MCMDC2: variants seen among roughly 807,000 people sequenced by gnomAD.
The protein encoded by MCMDC2 is minichromosome maintenance domain-containing protein 2.
MCMDC2 carries 54 observed loss-of-function variants against 75.8 expected under a neutral mutation model. The ratio of observed to expected loss-of-function variants is 0.71; its 90% confidence interval spans 0.57 to 0.89. The LOEUF is 0.89. Among genes scored for constraint, MCMDC2 ranks in the 40% least tolerant of loss-of-function variants. The probability of loss-of-function intolerance (pLI) is 0.00; values close to 1 mark genes in which losing one functional copy is unlikely to be tolerated. For synonymous variants in MCMDC2, 249 were observed against 274.6 expected, an observed-to-expected ratio of 0.91 and a Z score of 0.92; for missense variants, 656 against 780.4, an observed-to-expected ratio of 0.84 and a Z score of 1.90.
downstream of MCMDC2, among the ~76,000 whole-genome samples, chr8:66,925,130 C>T (rs1043561971): frequency 4.6e-5 from 7 of 151,952 alleles, no homozygotes; most frequent in Non-Finnish European, 8.8e-5. Context: ...TCCCGACGGT[C>T]CCTTGCAGGC....
Position 66,901,193 on chromosome 8 carries a change from TCA to T in MCMDC2, c.1627-9_1627-8del, listed in dbSNP as rs1563383809. ...ATAAAGCTTGATTATCTTGGATTTTTCACACTTTTTAGCTATTGGCTTTTGCA... is the reference window on the plus strand; with the variant it reads ...ATAAAGCTTGATTATCTTGGATTTTTCACTTTTTAGCTATTGGCTTTTGCA... On this transcript the variant is annotated splice_polypyrimidine_tract_variant and intron_variant, in intron 12 of 14. Coordinates refer to ENST00000422365, the MANE Select transcript of MCMDC2 (RefSeq NM_173518.5). 1 of 1,602,298 alleles carries T rather than the reference TCA, an allele frequency of 6.2e-7. No homozygotes were observed. The highest frequency in any genetic ancestry group is 8.5e-7 in the Non-Finnish European group (1 of 1,171,296).
chr8:66,921,780 CAG>C lies in MCMDC2; in HGVS notation c.*2612_*2613del, dbSNP rs1313892854. On this transcript the variant is annotated 3_prime_UTR_variant, in exon 15 of 15. Coordinates refer to ENST00000422365, the MANE Select transcript of MCMDC2 (RefSeq NM_173518.5). Reference sequence around the variant, plus strand: ...AGCAGGCTCTGAAGGGGAAGCCAGACAGGGAACCTAGAGGTACAAGCAATGTC... The same window carrying C: ...AGCAGGCTCTGAAGGGGAAGCCAGACGGAACCTAGAGGTACAAGCAATGTC... 1.3e-5 allele frequency: 2 copies of C among 152,346 alleles called. No homozygotes were observed. The highest frequency in any genetic ancestry group is 3.9e-4 in the East Asian group (2 of 5,194). The allele number at this position is 152,346 out of a possible 1,614,324, so 9.4% of individuals were successfully genotyped here. A position where few individuals can be genotyped will look rare whatever the true frequency, so the allele number is the denominator to read the frequency against.
intron 14 of MCMDC2, among the ~76,000 whole-genome samples, chr8:66,914,343 G>A (rs1231888141): frequency 2.0e-5 from 3 of 149,956 alleles, no homozygotes; most frequent in Admixed American, 6.7e-5. Flanking sequence ...AATTGAGATC[G>A]ATGCTATGAA....
At chr8:66,877,691 C>A (rs1179312791) in intron 5 of MCMDC2, 147 bp downstream of exon 5, 2 of 550,366 alleles carry the variant, frequency 3.6e-6, no homozygotes, top group Non-Finnish European at 3.1e-6. Context: ...ATGGAGAAAC[C>A]TCGTCTCTAC....
At chr8:66,906,626 A>T (rs928437276) in intron 14 of MCMDC2, among the ~76,000 whole-genome samples, 5 of 152,122 alleles carry the variant, frequency 3.3e-5, no homozygotes, top group African/African-American at 9.7e-5. Flanking sequence ...GTTAAATATC[A>T]TCCTGAATTA....
At chr8:66,918,706 C>T (rs933405654) in intron 14 of MCMDC2, among the ~76,000 whole-genome samples, 1 of 152,144 alleles carries the variant, frequency 6.6e-6, no homozygotes, top group Non-Finnish European at 1.5e-5. Flanking sequence ...TAGTTCCAAA[C>T]TTTAAAATAT....
chr8:66,877,863 TAA>T (rs746087269), intron 5 of MCMDC2, among the ~76,000 whole-genome samples: 17 of 87,416 alleles, frequency 1.9e-4, no homozygotes, highest in Admixed American at 4.1e-4. Flanking sequence ...TGACCCTGTC[TAA>T]AAAAAAAAAA....
chr8:66,874,314 A>G lies in MCMDC2; in HGVS notation c.95-12A>G, dbSNP rs1165774441. 5 of 1,607,022 alleles carry G rather than the reference A, an allele frequency of 3.1e-6. No individual in the cohort carries two copies. The highest frequency in any genetic ancestry group is 3.4e-5 in the Admixed American group (2 of 58,380). The stretch of plus-strand genomic sequence containing the variant: ...TAGCTATCCTGACTTTTACATTTGT[A>G]TATTTTCATAGATTCAAAACAAAGC... On this transcript the variant is annotated splice_polypyrimidine_tract_variant and intron_variant, in intron 2 of 14. Coordinates refer to ENST00000422365, the MANE Select transcript of MCMDC2 (RefSeq NM_173518.5).
intron 14 of MCMDC2, among the ~76,000 whole-genome samples, chr8:66,915,703 T>A (rs984701313): frequency 1.3e-5 from 2 of 151,808 alleles, no homozygotes; most frequent in African/African-American, 2.4e-5. Flanking sequence ...CCTAGGAATA[T>A]AATTTAGGGA....
rs1811350980 is a variant in MCMDC2, at chr8:66,877,549, A to G, written c.481+5A>G. ...AAGCATGCCCTCTTTCAAAAGGTAA[A>G]TGTTAAATAGGAAAATCAAAGCATT... On this transcript the variant is annotated splice_donor_5th_base_variant and intron_variant, in intron 5 of 14. Coordinates refer to ENST00000422365, the MANE Select transcript of MCMDC2 (RefSeq NM_173518.5). 6.3e-7 allele frequency: 1 copy of G among 1,589,332 alleles called. No homozygotes were observed. The highest frequency in any genetic ancestry group is 8.5e-7 in the Non-Finnish European group (1 of 1,170,412).
At position 66,872,020 on chromosome 8, in the gene MCMDC2, C is replaced by T. The variant is rs577449657; in HGVS notation, c.-89+1189C>T. 7.2e-5 allele frequency among the ~76,000 whole-genome samples: 11 copies of T among 152,216 alleles called. No individual in the cohort carries two copies. In the East Asian group the frequency reaches 2.1e-3, roughly 29 times the overall value. On this transcript the variant is annotated intron_variant, in intron 1 of 14. Coordinates refer to ENST00000422365, the MANE Select transcript of MCMDC2 (RefSeq NM_173518.5). ...TGGCCTCACCCAACCATTTAATTACCAATAGTCGCCCTTCATTCCACCCCA... is the reference window on the plus strand; with the variant it reads ...TGGCCTCACCCAACCATTTAATTACTAATAGTCGCCCTTCATTCCACCCCA...
In MCMDC2 at chr8:66,907,703, G is replaced by A. The variant is rs547976817; in HGVS notation, c.1879+2368G>A. On this transcript the variant is annotated intron_variant, in intron 14 of 14. Transcript: ENST00000422365. ...ACAGTCCCACCGACGGTGTAAAAGC[G>A]TTCCTGTTTCTCCACGGCCTCACCA... 1.9e-4 allele frequency among the ~76,000 whole-genome samples: 29 copies of A among 152,286 alleles called. No homozygotes were observed. The South Asian group carries it at 4.4e-3, about 23-fold the overall frequency.
downstream of MCMDC2, among the ~76,000 whole-genome samples, chr8:66,924,633 CA>C (rs201097719): frequency 0.02 from 1,610 of 81,068 alleles, 18 homozygotes; most frequent in African/African-American, 0.05. Flanking sequence ...GACTCTGGCT[CA>C]AAAAAAAAAA....
intron 7 of MCMDC2, 41 bp downstream of exon 7, chr8:66,878,960 A>C (rs774719226): frequency 2.0e-5 from 25 of 1,263,098 alleles, no homozygotes; most frequent in Non-Finnish European, 2.8e-5. Flanking sequence ...ATTGCTATAA[A>C]TATGTAATTG....
intron 13 of MCMDC2, among the ~76,000 whole-genome samples, chr8:66,902,711 A>AAAAAAAAAATATATATATAT (rs1467425752): frequency 4.4e-5 from 3 of 67,930 alleles, no homozygotes; most frequent in African/African-American, 2.2e-4. Flanking sequence ...AAAAAAAAAA[A>AAAAAAAAAATATATATATAT]ATATATATAT....
chr8:66,891,770 TGTGA>T (rs767141481), intron 10 of MCMDC2, among the ~76,000 whole-genome samples: 2 of 152,182 alleles, frequency 1.3e-5, no homozygotes, highest in Admixed American at 6.5e-5. Context: ...GCGAGGGGTG[TGTGA>T]GTGAGTAAGC....
chr8:66,899,103 A>T (rs1812500590), intron 12 of MCMDC2, among the ~76,000 whole-genome samples: 1 of 152,254 alleles, frequency 6.6e-6, no homozygotes, highest in Non-Finnish European at 1.5e-5. Flanking sequence ...ATCAAAGTGG[A>T]TGGAATTTGT....
Position 66,905,658 on chromosome 8 carries a change from AC to A in MCMDC2, c.1879+324del, listed in dbSNP as rs1375214923. Among the ~76,000 whole-genome samples the A allele has an allele frequency of 2.0e-5, 3 of 152,290 alleles. No individual in the cohort carries two copies. The East Asian group carries it at 5.8e-4, about 29-fold the overall frequency. The stretch of plus-strand genomic sequence containing the variant: ...TATCTTCCTTTTAAAATAACTTGCA[AC>A]ATTTAGGTATCAAACAATCCCCCAC... On this transcript the variant is annotated intron_variant, in intron 14 of 14. Coordinates refer to ENST00000422365, the MANE Select transcript of MCMDC2 (RefSeq NM_173518.5).
chr8:66,874,242 C>G lies in MCMDC2; in HGVS notation c.94+8C>G. The G allele has an allele frequency of 6.2e-7, 1 of 1,609,496 alleles. No individual in the cohort carries two copies. The highest frequency in any genetic ancestry group is 8.5e-7 in the Non-Finnish European group (1 of 1,178,702). The stretch of plus-strand genomic sequence containing the variant: ...ATTGCAAGTACTACAATGGTACGTT[C>G]AGCAAAGGTGAGTTATTTTTAAAAC... On this transcript the variant is annotated splice_region_variant and intron_variant, in intron 2 of 14. Coordinates refer to ENST00000422365, the MANE Select transcript of MCMDC2 (RefSeq NM_173518.5).
Sources: gnomAD v4.1 joint callset for allele counts (sites outside exome capture counted in the v4.1 genomes callset) on GRCh38, gnomAD v4.1.1 for gene constraint, MANE v1.5 for transcripts, NCBI Gene and HGNC (gene_info 2026-07-23, HGNC 2026-07-21) for gene names.